The following FOCAD variants were observed in gnomAD, a reference collection of about 807,000 sequenced individuals.
FOCAD encodes the protein focadhesin.
A neutral mutation model predicts 225.6 loss-of-function variants in FOCAD; 198 were observed. The observed-to-expected ratio is 0.88, with a 90% CI of 0.78 to 0.99. The LOEUF (loss-of-function observed/expected upper bound fraction) is 0.99, where lower values mean the gene tolerates loss of function less well. Among genes scored for constraint, FOCAD ranks in the 50% least tolerant of loss-of-function variants. The pLI is 0.00. For missense variants in FOCAD, 2,713 were observed against 2,123.6 expected (o/e 1.28, Z -5.46); for synonymous variants, 897 against 755.0 (o/e 1.19, Z -3.08).
chr9:20,797,602 G>C (rs1821266986), intron 11 of FOCAD, among the ~76,000 whole-genome samples: 1 of 152,100 alleles, frequency 6.6e-6, no homozygotes, highest in Non-Finnish European at 1.5e-5. Flanking sequence ...ATTCACTCAT[G>C]ATTTGGCTCT....
chr9:20,813,549 G>C (rs1587270833), intron 11 of FOCAD, among the ~76,000 whole-genome samples: 1 of 152,096 alleles, frequency 6.6e-6, no homozygotes, highest in Admixed American at 6.6e-5. Flanking sequence ...ATCCCACCAG[G>C]TATGAGGTGA....
chr9:20,846,626 T>C (rs1444621741), intron 15 of FOCAD, among the ~76,000 whole-genome samples: 1 of 152,112 alleles, frequency 6.6e-6, no homozygotes, highest in Admixed American at 6.6e-5. Context: ...ATGAGCACCC[T>C]ATGTAGCAAG....
chr9:20,809,090 C>T (rs955241249), intron 11 of FOCAD, among the ~76,000 whole-genome samples: 1 of 152,174 alleles, frequency 6.6e-6, no homozygotes, highest in Non-Finnish European at 1.5e-5. Context: ...CATTTTACCA[C>T]ATTTATGCAG....
intron 38 of FOCAD, 143 bp from the exon 39 acceptor site, chr9:20,982,214 T>A (rs55848101): frequency 9.9e-6 from 5 of 502,548 alleles, no homozygotes; most frequent in South Asian, 7.7e-5. Context: ...ATGATAAAAA[T>A]TGGCCAAATG....
At chr9:20,688,363 A>G (rs1411884498) in intron 1 of FOCAD, among the ~76,000 whole-genome samples, 3 of 152,220 alleles carry the variant, frequency 2.0e-5, no homozygotes, top group African/African-American at 7.2e-5. Flanking sequence ...GGGATGAAGG[A>G]GTGATGGAGT....
At position 20,947,134 on chromosome 9, in the gene FOCAD, G is replaced by A. The variant is rs139254213; in HGVS notation, c.3675+314G>A. On this transcript the variant is annotated intron_variant, in intron 30 of 43. Coordinates refer to ENST00000338382, the MANE Select transcript of FOCAD (RefSeq NM_001375567.1). ...TATGGCTAGGGAATATAAGAGTTAT[G>A]TAAAGTTAGAAACAAAAATTTGTGA... 5.2e-4 allele frequency among the ~76,000 whole-genome samples: 79 copies of A among 152,158 alleles called. No individual in the cohort carries two copies. The Middle Eastern group carries it at 0.014, about 26-fold the overall frequency.
intron 10 of FOCAD, among the ~76,000 whole-genome samples, chr9:20,787,705 C>T (rs1010265284): frequency 2.7e-5 from 4 of 149,922 alleles, no homozygotes; most frequent in Non-Finnish European, 4.4e-5. Flanking sequence ...ATTTTCACTC[C>T]CCAAAACAGA....
rs1343173845 is a variant in FOCAD at position 20,781,778 on chromosome 9, T to C, written c.1046T>C (p.Leu349Pro). Residue 349 changes from leucine to proline, a missense_variant, in exon 10 of 44, where the codon CTG becomes CCG. Transcript: ENST00000338382. ...TEDQKIPKSS[L>P]LLVMPILQIL... is the part of the protein sequence containing the mutation. ...GATCAGAAAATCCCAAAGTCCTCTCTGCTGCTAGTGATGCCAATTCTGCAG... is the reference window on the plus strand; with the variant it reads ...GATCAGAAAATCCCAAAGTCCTCTCCGCTGCTAGTGATGCCAATTCTGCAG... 1 of 1,614,138 alleles carries C rather than the reference T, an allele frequency of 6.2e-7. No individual in the cohort carries two copies. Among genetic ancestry groups the C allele is most frequent in the Admixed American group, 1.7e-5 (1 of 60,034 alleles).
At chr9:20,853,164 C>T (rs117491935) in intron 15 of FOCAD, among the ~76,000 whole-genome samples, 124 of 151,706 alleles carry the variant, frequency 8.2e-4, no homozygotes, top group Non-Finnish European at 1.4e-3. Flanking sequence ...AGTGAATGTC[C>T]CTATAGGGAG....
At chr9:20,932,692 A>G (rs1475482695) in intron 27 of FOCAD, among the ~76,000 whole-genome samples, 1 of 152,190 alleles carries the variant, frequency 6.6e-6, no homozygotes, top group Non-Finnish European at 1.5e-5. Context: ...TTAGAAATAT[A>G]TATTTGGAAT....
At chr9:20,834,216 G>A (rs925318042) in intron 15 of FOCAD, among the ~76,000 whole-genome samples, 1 of 151,866 alleles carries the variant, frequency 6.6e-6, no homozygotes, top group Non-Finnish European at 1.5e-5. Flanking sequence ...ACCAAACACC[G>A]CATGTTGTCA....
chr9:20,856,316 T>C (rs1170549545), intron 15 of FOCAD, among the ~76,000 whole-genome samples: 4 of 151,942 alleles, frequency 2.6e-5, no homozygotes, highest in African/African-American at 9.7e-5. Context: ...TAATATCTCA[T>C]TGTAGTTTTA....
At chr9:20,734,046 G>A (rs1018885579) in intron 4 of FOCAD, among the ~76,000 whole-genome samples, 7 of 152,066 alleles carry the variant, frequency 4.6e-5, no homozygotes, top group South Asian at 4.1e-4. Context: ...AGTCTTTTTC[G>A]CACTTTGAGA....
chr9:20,655,939 C>A (rs1209554425), upstream of FOCAD, among the ~76,000 whole-genome samples: 1 of 152,100 alleles, frequency 6.6e-6, no homozygotes, highest in Non-Finnish European at 1.5e-5. Flanking sequence ...CCTCTACACA[C>A]TGCTTTGAAT....
intron 8 of FOCAD, among the ~76,000 whole-genome samples, chr9:20,771,830 T>A (rs2131017256): frequency 6.6e-6 from 1 of 152,356 alleles, no homozygotes; most frequent in Middle Eastern, 3.4e-3. Context: ...GGGTGCTGGC[T>A]GATTCTGTTC....
In FOCAD at chr9:20,986,398, A is replaced by T. The variant is rs766396091; in HGVS notation, c.4839A>T (p.Lys1613Asn). The T allele has an allele frequency of 2.5e-6, 4 of 1,612,674 alleles. No homozygotes were observed. In the African/African-American group the frequency reaches 5.4e-5, roughly 22 times the overall value. The change falls in exon 40 of 44, where the codon AAA becomes AAT. Residue 1613 changes from lysine to asparagine, a missense_variant. Lys to Asn is a moderately conservative substitution (Grantham distance 94, BLOSUM62 0). Coordinates refer to ENST00000338382, the MANE Select transcript of FOCAD (RefSeq NM_001375567.1). The part of the protein sequence containing the change: ...MLSVAVQHRE[K>N]EVLAWMILHS... Reference sequence around the variant, plus strand: ...GCGTTGCTGTGCAGCACCGTGAGAAAGAGGTGTTGGCCTGGATGATTCTGC... The same window carrying T: ...GCGTTGCTGTGCAGCACCGTGAGAATGAGGTGTTGGCCTGGATGATTCTGC...
intron 22 of FOCAD, among the ~76,000 whole-genome samples, chr9:20,907,727 T>G (rs1458495310): frequency 6.6e-6 from 1 of 152,100 alleles, no homozygotes; most frequent in Non-Finnish European, 1.5e-5. Flanking sequence ...CTATTCTTTC[T>G]GTCTCTGACC....
chr9:20,743,030 G>A lies in FOCAD; in HGVS notation c.392+2690G>A, dbSNP rs1000982266. ...CTTAAGTTCCTCCAAGGGGGATTGT[G>A]GATGGCAGAAACAGAGGAGAGGTGA... is the stretch of plus-strand genomic sequence containing the variant. On this transcript the variant is annotated intron_variant, in intron 5 of 43. Transcript: ENST00000338382. Among the ~76,000 whole-genome samples, 7 of 152,184 alleles carry A rather than the reference G, an allele frequency of 4.6e-5. No homozygotes were observed. In the East Asian group the frequency reaches 1.3e-3, roughly 29 times the overall value.
intron 1 of FOCAD, among the ~76,000 whole-genome samples, chr9:20,703,952 C>T (rs761589466): frequency 6.6e-6 from 1 of 152,180 alleles, no homozygotes; most frequent in Non-Finnish European, 1.5e-5. Flanking sequence ...CCCTTTAGCC[C>T]CCAAAGGGGG....
Sources: gnomAD v4.1 joint callset for allele counts (sites outside exome capture counted in the v4.1 genomes callset) on GRCh38, gnomAD v4.1.1 for gene constraint, MANE v1.5 for transcripts, NCBI Gene and HGNC (gene_info 2026-07-23, HGNC 2026-07-21) for gene names.